CABIN1: variants seen among roughly 807,000 people sequenced by gnomAD.
CABIN1 encodes the protein calcineurin-binding protein cabin-1.
Under a neutral mutation model 227.7 loss-of-function variants are expected in CABIN1, and 133 were observed. The observed-to-expected ratio is 0.58, with a 90% CI of 0.51 to 0.67. CABIN1 has a LOEUF of 0.67. Among genes scored for constraint, CABIN1 ranks in the 30% least tolerant of loss-of-function variants. The pLI, the probability that CABIN1 is intolerant of heterozygous loss-of-function variation, is 0.00. For missense variants in CABIN1, 2,408 were observed against 2,852.5 expected (o/e 0.84, Z 3.55); for synonymous variants, 1,086 against 1,155.1 (o/e 0.94, Z 1.21).
chr22:24,086,629 G>A (rs2041187149), intron 22 of CABIN1, among the ~76,000 whole-genome samples: 1 of 152,242 alleles, frequency 6.6e-6, no homozygotes, highest in African/African-American at 2.4e-5. Context: ...ATGTGTGAGG[G>A]TGGCGTCTGT....
At position 24,178,173 on chromosome 22, in the gene CABIN1, G is replaced by A; in HGVS notation, c.6640G>A (p.Asp2214Asn). The change falls in exon 37 of 37, where the codon GAC becomes AAC. Residue 2214 changes from aspartate to asparagine, a missense_variant. By Grantham distance (23) the Asp-to-Asn change is conservative. Transcript: ENST00000263119. ...CTCGCTGGAGAGCGAGACAGACGAGGACGACGACTACATGGACATTTGAGG... is the reference window on the plus strand; with the variant it reads ...CTCGCTGGAGAGCGAGACAGACGAGAACGACGACTACATGGACATTTGAGG... ...ESSLESETDE[D>N]DDYMDI The A allele has an allele frequency of 6.2e-7, 1 of 1,613,302 alleles. No individual in the cohort carries two copies. The highest frequency in any genetic ancestry group is 8.5e-7 in the Non-Finnish European group (1 of 1,179,820).
At chr22:24,110,843 G>A (rs1003866301) in intron 26 of CABIN1, among the ~76,000 whole-genome samples, 1 of 145,504 alleles carries the variant, frequency 6.9e-6, no homozygotes, top group African/African-American at 2.5e-5. Context: ...GGTTTCAGCA[G>A]TTTCAAAATG....
chr22:24,101,088 G>T (rs1427978909), intron 26 of CABIN1, among the ~76,000 whole-genome samples: 1 of 152,166 alleles, frequency 6.6e-6, no homozygotes, highest in Non-Finnish European at 1.5e-5. Context: ...CTTGGGCATG[G>T]GGCTTTCTGG....
At chr22:24,117,146 C>T (rs1178977576) in intron 27 of CABIN1, among the ~76,000 whole-genome samples, 4 of 152,142 alleles carry the variant, frequency 2.6e-5, no homozygotes, top group East Asian at 1.9e-4. Context: ...TAAGGCAGCT[C>T]GCCCCATCTC....
rs189804002 is a variant in CABIN1, at chr22:24,178,049, G to A, written c.6520-4G>A. On this transcript the variant is annotated splice_polypyrimidine_tract_variant and splice_region_variant and intron_variant, in intron 36 of 36. Transcript: ENST00000263119. ...ACCAGTGCCCCGCCCGGCCCTCTCC[G>A]CAGTCAGCCATCCTTTCTGCCCAGT... 384 of 1,613,472 alleles carry A rather than the reference G, an allele frequency of 2.4e-4. No individual in the cohort carries two copies. In the African/African-American group the frequency reaches 3.7e-3, roughly 16 times the overall value.
In CABIN1 at chr22:24,043,029, C is replaced by T. The variant is rs773697480; in HGVS notation, c.471C>T (p.His157=). 20 of 1,613,948 alleles carry T rather than the reference C, an allele frequency of 1.2e-5. No individual in the cohort carries two copies. Among genetic ancestry groups the T allele is most frequent in the African/African-American group, 2.7e-5 (2 of 74,894 alleles). ...AAGGGCTGCGGTGCAATCCTGACCA[C>T]TGGCCCTGTTTGGATAACCTAATCA... ...FEEGLRCNPD[H]WPCLDNLITV... The change falls in exon 6 of 37, where the codon CAC becomes CAT. Residue 157 remains histidine, a synonymous_variant. Transcript: ENST00000263119.
At position 24,084,718 on chromosome 22, in the gene CABIN1, C is replaced by T; in HGVS notation, c.3050C>T (p.Pro1017Leu). Residue 1017 changes from proline (P) to leucine (L), a missense_variant, in exon 21 of 37, where the codon CCT (proline) becomes CTT (leucine). Pro to Leu is a moderately conservative substitution (Grantham distance 98). Coordinates refer to ENST00000263119, the MANE Select transcript of CABIN1 (RefSeq NM_012295.4). ...CTGAAGAGAATTGCCACCATTGTGC[C>T]TCGCACAGAGAGGCCAGCCCTTAGC... ...NLLKRIATIV[P>L]RTERPALSLD... 2 of 1,614,220 alleles carry T rather than the reference C, an allele frequency of 1.2e-6. No individual in the cohort carries two copies. Among genetic ancestry groups the T allele is most frequent in the Non-Finnish European group, 1.7e-6 (2 of 1,180,032 alleles).
Position 24,043,082 on chromosome 22 carries a change from C to T in CABIN1, c.524C>T (p.Thr175Ile). The T allele has an allele frequency of 1.9e-6, 3 of 1,613,626 alleles. No individual in the cohort carries two copies. Among genetic ancestry groups the T allele is most frequent in the Non-Finnish European group, 2.5e-6 (3 of 1,179,702 alleles). ...GTCCTGTACACCCTCAGTGATTACA[C>T]AAGTGAGTCATGCTTTGATGCTTTC... is the stretch of plus-strand genomic sequence containing the variant. ...ITVLYTLSDYTTCLYFICKAL... is the reference protein window; with the variant it reads ...ITVLYTLSDYITCLYFICKAL... Residue 175 changes from threonine (T) to isoleucine (I), a missense_variant and splice_region_variant, in exon 6 of 37, where the codon ACA (threonine) becomes ATA (isoleucine). Physicochemically the swap from Thr to Ile is moderately conservative, Grantham distance 89 (BLOSUM62 -1). Around this residue, in one of 3 missense-constraint regions of CABIN1, gnomAD observed 1,045 missense variants for 1,168.4 expected, o/e 0.89. Transcript: ENST00000263119.
chr22:24,046,228 G>A (rs933648355), intron 6 of CABIN1, among the ~76,000 whole-genome samples: 1 of 152,122 alleles, frequency 6.6e-6, no homozygotes, highest in African/African-American at 2.4e-5. Flanking sequence ...GTTATTTTGT[G>A]TGGTCTATTA....
At position 24,091,789 on chromosome 22, in the gene CABIN1, C is replaced by T; in HGVS notation, c.3732C>T (p.Tyr1244=). Residue 1244 remains tyrosine (Y), a synonymous_variant, in exon 24 of 37, where the codon TAC becomes TAT. Coordinates refer to ENST00000263119, the MANE Select transcript of CABIN1 (RefSeq NM_012295.4). ...ACCTGCACGAGGAGGCTGCCCGCTA[C>T]CCCAAGAAGATCCACTACCACAACC... ...GHYLHEEAAR[Y]PKKIHYHNPP... is the part of the protein sequence containing the mutation. 1 of 1,613,896 alleles carries T rather than the reference C, an allele frequency of 6.2e-7. No individual in the cohort carries two copies.
chr22:24,054,832 T>G, intron 8 of CABIN1, 41 bp from the exon 9 acceptor site: 1 of 1,613,914 alleles, frequency 6.2e-7, no homozygotes, highest in Non-Finnish European at 8.5e-7. Context: ...AGTATTCCTC[T>G]GACAGGGTGG....
intron 32 of CABIN1, 51 bp from the exon 33 acceptor site, chr22:24,168,396 G>A (rs765734914): frequency 1.8e-5 from 27 of 1,526,996 alleles, no homozygotes; most frequent in South Asian, 3.6e-5. Flanking sequence ...GGCTGGGGGA[G>A]GCTAACCACA....
At chr22:24,053,560 G>T (rs1170380192) in intron 8 of CABIN1, among the ~76,000 whole-genome samples, 1 of 151,680 alleles carries the variant, frequency 6.6e-6, no homozygotes, top group Non-Finnish European at 1.5e-5. Context: ...GGTATTTCTA[G>T]TAGAAACAGG....
At chr22:24,020,355 T>C (rs1300535520) in intron 1 of CABIN1, among the ~76,000 whole-genome samples, 2 of 152,210 alleles carry the variant, frequency 1.3e-5, no homozygotes, top group East Asian at 3.8e-4. Context: ...GGGGTCTCAC[T>C]TTGTCACCCA....
chr22:24,042,868 GTGTGTGTGTT>G (rs758175672), intron 5 of CABIN1, 26 bp from the exon 6 acceptor site: 13 of 1,296,552 alleles, frequency 1.0e-5, no homozygotes, highest in African/African-American at 9.1e-5. Flanking sequence ...GTGTGTGTGT[GTGTGTGTGTT>G]TGCCCTCTGC....
chr22:24,062,873 G>C, intron 13 of CABIN1, 86 bp from the exon 14 acceptor site: 1 of 1,339,766 alleles, frequency 7.5e-7, no homozygotes, highest in Non-Finnish European at 1.1e-6. Context: ...GGGTGGGTGT[G>C]GTTAGGGCCA....
chr22:24,040,935 G>A (rs767909283), intron 4 of CABIN1, among the ~76,000 whole-genome samples: 1 of 152,184 alleles, frequency 6.6e-6, no homozygotes, highest in Non-Finnish European at 1.5e-5. Flanking sequence ...TAATACCTCA[G>A]GGTGGTCTGT....
At chr22:24,158,934 A>G (rs1009535167) in intron 29 of CABIN1, among the ~76,000 whole-genome samples, 1 of 152,170 alleles carries the variant, frequency 6.6e-6, no homozygotes, top group Non-Finnish European at 1.5e-5. Flanking sequence ...GAGTCACCTT[A>G]GGGCTACACC....
chr22:24,086,221 C>T (rs2267056), intron 22 of CABIN1, among the ~76,000 whole-genome samples: 2,536 of 152,320 alleles, frequency 0.017, 81 homozygotes, highest in East Asian at 0.14. Context: ...TGGCTGAGTG[C>T]TTACTGCGCC....
Sources: allele counts gnomAD v4.1 joint callset (sites outside exome capture counted in the v4.1 genomes callset), GRCh38; gene constraint gnomAD v4.1.1; regional missense constraint gnomAD v4.1.1; transcripts MANE v1.5; gene names NCBI Gene and HGNC (gene_info 2026-07-23, HGNC 2026-07-21).